VPS13A: variants seen among roughly 807,000 people sequenced by gnomAD.
VPS13A encodes the protein vacuolar protein sorting 13 homolog A, also known as intermembrane lipid transfer protein VPS13A.
VPS13A carries 264 observed loss-of-function variants against 390.9 expected under a neutral mutation model. That is an observed-to-expected ratio of 0.68 (90% CI 0.61 to 0.75). The LOEUF is 0.75. Ranked by LOEUF, VPS13A falls within the 30% of genes least tolerant of loss-of-function variation. The pLI is 0.00. For synonymous variants in VPS13A, 1,231 were observed against 1,227.1 expected (o/e 1.00, Z -0.07); for missense variants, 3,409 against 3,733.9 (o/e 0.91, Z 2.27).
rs34249411 is a variant in VPS13A at position 77,228,074 on chromosome 9, T to TTA, written c.1453-34_1453-33dup. 3.5e-3 allele frequency: 4,294 copies of TTA among 1,227,160 alleles called. 2 individuals carry two copies. Among genetic ancestry groups the TTA allele is most frequent in the African/African-American group, 7.1e-3 (459 of 64,660 alleles). 76.0% of individuals were successfully genotyped at this position (1,227,160 alleles called of 1,614,324 possible). On this transcript the variant is annotated intron_variant, in intron 16 of 71. Coordinates refer to ENST00000360280, the MANE Select transcript of VPS13A (RefSeq NM_033305.3). ...TGTACTATAAGAATATTTGTTATGC[T>TTA]TATATATATATATATGTTTTCATTT...
At position 77,221,490 on chromosome 9, in the gene VPS13A, G is replaced by A. The variant is rs7040714; in HGVS notation, c.1161+134G>A. ...ATCTCTTTTACTTAGACTTTTTTGT[G>A]CTTCTGTTCTTAACTTCAGCTGAAT... On this transcript the variant is annotated intron_variant, in intron 13 of 71. Transcript: ENST00000360280. 380,798 of 939,332 alleles carry A rather than the reference G, an allele frequency of 0.41. 79,685 individuals carry two copies. Among genetic ancestry groups the A allele is most frequent in the South Asian group, 0.52 (32,621 of 62,176 alleles). 58.2% of individuals were successfully genotyped at this position (939,332 alleles called of 1,614,324 possible). A position where few individuals can be genotyped will look rare whatever the true frequency, so the allele number is the denominator to read the frequency against.
rs1823745984 is a variant in VPS13A at position 77,177,969 on chromosome 9, T to A, written c.100+165T>A. The stretch of plus-strand genomic sequence containing the variant: ...AAGTTACGTAAAGCCGGGCGGCAGT[T>A]CCCTGGCCTCCGCCCTCGAGTTGTT... On this transcript the variant is annotated intron_variant, in intron 1 of 71. Coordinates refer to ENST00000360280, the MANE Select transcript of VPS13A (RefSeq NM_033305.3). 5 of 609,718 alleles carry A rather than the reference T, an allele frequency of 8.2e-6. No homozygotes were observed. In the East Asian group the frequency reaches 1.4e-4, roughly 17 times the overall value. The allele number at this position is 609,718 out of a possible 1,614,324, so 37.8% of individuals were successfully genotyped here. A position where few individuals can be genotyped will look rare whatever the true frequency, so the allele number is the denominator to read the frequency against.
intron 52 of VPS13A, among the ~76,000 whole-genome samples, chr9:77,348,523 TTAGGTG>T (rs1831286823): frequency 1.3e-5 from 2 of 152,118 alleles, no homozygotes; most frequent in African/African-American, 4.8e-5. Flanking sequence ...GGCTTAATAC[TTAGGTG>T]TAGGTTGGTA....
intron 62 of VPS13A, among the ~76,000 whole-genome samples, 167 bp downstream of exon 62, chr9:77,368,303 A>G (rs746149025): frequency 1.3e-5 from 2 of 152,192 alleles, no homozygotes; most frequent in Non-Finnish European, 2.9e-5. Context: ...AAGCTCAATC[A>G]CTATTTGAAT....
chr9:77,277,785 T>G (rs1366241103), intron 26 of VPS13A, among the ~76,000 whole-genome samples: 5 of 152,248 alleles, frequency 3.3e-5, no homozygotes, highest in African/African-American at 9.6e-5. Flanking sequence ...TTCTCTTGTC[T>G]GGATGCACCA....
At chr9:77,312,504 G>A (rs1165832192) in intron 35 of VPS13A, among the ~76,000 whole-genome samples, 1 of 151,496 alleles carries the variant, frequency 6.6e-6, no homozygotes, top group African/African-American at 2.4e-5. Flanking sequence ...TCAGCTCACT[G>A]CAAGCTCCGC....
chr9:77,204,271 A>G (rs1319453290), intron 3 of VPS13A, among the ~76,000 whole-genome samples: 1 of 152,170 alleles, frequency 6.6e-6, no homozygotes, highest in East Asian at 1.9e-4. Context: ...CATTTAAACA[A>G]TTCTAAAATA....
intron 71 of VPS13A, among the ~76,000 whole-genome samples, chr9:77,410,753 A>G (rs1027020977): frequency 3.3e-5 from 5 of 152,170 alleles, no homozygotes; most frequent in African/African-American, 4.8e-5. Context: ...ACTATCCTAA[A>G]TATATATGCA....
At chr9:77,263,329 A>G (rs945697529) in intron 23 of VPS13A, among the ~76,000 whole-genome samples, 7 of 151,800 alleles carry the variant, frequency 4.6e-5, no homozygotes, top group Non-Finnish European at 1.0e-4. Flanking sequence ...GGATGGTCTC[A>G]ATCTCCTGAC....
Position 77,237,984 on chromosome 9 carries a change from C to CTT in VPS13A, c.1596-9_1596-8dup. The stretch of plus-strand genomic sequence containing the variant: ...AATTTTACTGATCGCTGACTTTTTT[C>CTT]TTTTTTTTTTAATGCAGATTTGAAA... On this transcript the variant is annotated splice_polypyrimidine_tract_variant and intron_variant, in intron 17 of 71. Transcript: ENST00000360280. The CTT allele has an allele frequency of 1.9e-5, 23 of 1,238,102 alleles. No homozygotes were observed. Among genetic ancestry groups the CTT allele is most frequent in the South Asian group, 4.4e-5 (3 of 67,766 alleles). The allele number at this position is 1,238,102 out of a possible 1,614,324, so 76.7% of individuals were successfully genotyped here.
Position 77,255,119 on chromosome 9 carries a change from G to A in VPS13A, c.2288+2767G>A, listed in dbSNP as rs75713039. On this transcript the variant is annotated intron_variant, in intron 22 of 71. Coordinates refer to ENST00000360280, the MANE Select transcript of VPS13A (RefSeq NM_033305.3). ...TATTTCACCATTGAGTATGATGTCA[G>A]CTGTGGGGTTTTTATGGATGACCTT... is the stretch of plus-strand genomic sequence containing the variant. 1.1e-3 allele frequency among the ~76,000 whole-genome samples: 175 copies of A among 152,230 alleles called. 1 individual carries two copies. Among genetic ancestry groups the A allele is most frequent in the Non-Finnish European group, 1.5e-3 (105 of 67,988 alleles).
In VPS13A at chr9:77,280,206, A is replaced by ATGG. The variant is rs1826938362; in HGVS notation, c.2873_2875dup (p.Met958_Glu959insVal). On this transcript the variant is annotated inframe_insertion, in exon 27 of 72. Transcript: ENST00000360280. ...TTTGGTTACAACCCTGGATAACACA[A>ATGG]TGGAAGACCTGTTAACGCTGGAATA... is the stretch of plus-strand genomic sequence containing the variant. 6.2e-7 allele frequency: 1 copy of ATGG among 1,612,848 alleles called. No homozygotes were observed.
intron 23 of VPS13A, among the ~76,000 whole-genome samples, chr9:77,268,189 G>A (rs1826143893): frequency 6.6e-6 from 1 of 152,224 alleles, no homozygotes; most frequent in African/African-American, 2.4e-5. Flanking sequence ...AGGTGCCACT[G>A]GGGTATGAAA....
chr9:77,393,657 G>C (rs879616063), intron 68 of VPS13A, among the ~76,000 whole-genome samples: 1 of 152,242 alleles, frequency 6.6e-6, no homozygotes. Flanking sequence ...TCTTGAGCCC[G>C]AGTGACTAGG....
intron 17 of VPS13A, among the ~76,000 whole-genome samples, chr9:77,237,179 A>T (rs7042190): frequency 4.0e-5 from 6 of 151,664 alleles, no homozygotes; most frequent in Admixed American, 2.6e-4. Context: ...TGAGCCACCG[A>T]GCCCAGCCTA....
intron 44 of VPS13A, 35 bp downstream of exon 44, chr9:77,321,781 T>A (rs781185369): frequency 4.3e-6 from 7 of 1,609,792 alleles, no homozygotes; most frequent in Non-Finnish European, 5.9e-6. Context: ...CTGGGGCTAT[T>A]TTGTTTTAAA....
At chr9:77,269,514 G>A (rs1395824572) in intron 23 of VPS13A, among the ~76,000 whole-genome samples, 2 of 152,038 alleles carry the variant, frequency 1.3e-5, no homozygotes, top group East Asian at 1.9e-4. Flanking sequence ...AAATGTTTTC[G>A]ACTGATTCCT....
At chr9:77,205,237 GA>G in intron 3 of VPS13A, 75 bp from the exon 4 acceptor site, 1 of 789,608 alleles carries the variant, frequency 1.3e-6, no homozygotes, top group East Asian at 2.8e-5. Flanking sequence ...ATGCCTGACA[GA>G]AAATAGACTA....
intron 1 of VPS13A, among the ~76,000 whole-genome samples, chr9:77,185,517 G>C (rs1320830500): frequency 2.0e-5 from 3 of 152,154 alleles, no homozygotes; most frequent in Non-Finnish European, 4.4e-5. Flanking sequence ...GAATTGTTTA[G>C]GGATTGGGGG....
Sources: allele counts gnomAD v4.1 joint callset (sites outside exome capture counted in the v4.1 genomes callset), GRCh38; gene constraint gnomAD v4.1.1; transcripts MANE v1.5; gene names NCBI Gene and HGNC (gene_info 2026-07-23, HGNC 2026-07-21).